Variants in VPS13B observed in about 807,000 individuals in gnomAD.
VPS13B encodes the protein vacuolar protein sorting 13 homolog B, also known as intermembrane lipid transfer protein VPS13B.
A neutral mutation model predicts 426.4 loss-of-function variants in VPS13B; 285 were observed. The observed-to-expected ratio is 0.67, with a 90% CI of 0.61 to 0.74. The LOEUF (loss-of-function observed/expected upper bound fraction) is 0.74, where lower values mean the gene tolerates loss of function less well. Among genes scored for constraint, VPS13B ranks in the 30% least tolerant of loss-of-function variants. The probability of loss-of-function intolerance (pLI) is 0.00; values close to 1 mark genes in which losing one functional copy is unlikely to be tolerated. For missense variants in VPS13B, 4,537 were observed against 4,782.6 expected (o/e 0.95, Z 1.51); for synonymous variants, 1,676 against 1,676.4 (o/e 1.00, Z 0.01).
chr8:99,117,285 T>C (rs1278801584), intron 7 of VPS13B, among the ~76,000 whole-genome samples: 1 of 151,926 alleles, frequency 6.6e-6, no homozygotes, highest in African/African-American at 2.4e-5. Flanking sequence ...TAAAAAAAAA[T>C]ACAAAATAAC....
At chr8:99,567,929 A>G (rs1161242703) in intron 31 of VPS13B, among the ~76,000 whole-genome samples, 1 of 152,216 alleles carries the variant, frequency 6.6e-6, no homozygotes, top group African/African-American at 2.4e-5. Context: ...GGGTAATATA[A>G]TAAGAGTAAT....
intron 39 of VPS13B, among the ~76,000 whole-genome samples, chr8:99,763,222 G>A (rs1039429858): frequency 1.2e-4 from 17 of 146,938 alleles, no homozygotes; most frequent in African/African-American, 4.1e-4. Flanking sequence ...TTTGAATCCC[G>A]ATAGATCTGA....
intron 30 of VPS13B, among the ~76,000 whole-genome samples, chr8:99,541,480 C>T (rs150463262): frequency 6.6e-6 from 1 of 152,168 alleles, no homozygotes; most frequent in Non-Finnish European, 1.5e-5. Context: ...GGTGTTTGTC[C>T]TAATGCTCTT....
At chr8:99,836,866 A>C (rs977727613) in intron 54 of VPS13B, among the ~76,000 whole-genome samples, 1 of 152,202 alleles carries the variant, frequency 6.6e-6, no homozygotes, top group South Asian at 2.1e-4. Context: ...GTTAGTGACT[A>C]TCATCTCCAC....
At chr8:99,874,858 T>C (rs924432333) in intron 61 of VPS13B, 1 of 154,472 alleles carries the variant, frequency 6.5e-6, no homozygotes, top group African/African-American at 2.4e-5. Context: ...GCTTCTCTAT[T>C]TTCTCTGGCT....
chr8:99,373,982 A>C (rs374228875), intron 19 of VPS13B, among the ~76,000 whole-genome samples: 2 of 152,134 alleles, frequency 1.3e-5, no homozygotes, highest in Non-Finnish European at 2.9e-5. Flanking sequence ...TTGTAGCACA[A>C]ATTTTCTGAA....
chr8:99,337,786 T>C (rs962049440), intron 19 of VPS13B, among the ~76,000 whole-genome samples: 4 of 152,198 alleles, frequency 2.6e-5, no homozygotes, highest in Non-Finnish European at 5.9e-5. Context: ...TTTTTTGGAC[T>C]TCTCTATGAA....
rs1196083061 is a variant in VPS13B, at chr8:99,442,439, T to A, written c.3249T>A (p.Asp1083Glu). The stretch of plus-strand genomic sequence containing the variant: ...CTTGTTGTGTGTTTATTCCAAATGA[T>A]AGCCTGCCTTCCCCAAGTACAATTG... ...VQSCCVFIPN[D>E]SLPSPSTIVS... Residue 1083 changes from aspartate (D) to glutamate (E), a missense_variant, in exon 23 of 62, where the codon GAT becomes GAA. Around this residue, in one of 2 missense-constraint regions of VPS13B, gnomAD observed 4,311 missense variants for 4,474.3 expected, o/e 0.96. Transcript: ENST00000357162. 6.2e-7 allele frequency: 1 copy of A among 1,613,990 alleles called. No individual in the cohort carries two copies. Among genetic ancestry groups the A allele is most frequent in the Admixed American group, 1.7e-5 (1 of 60,012 alleles).
At chr8:99,059,230 G>A (rs548860208) in intron 3 of VPS13B, among the ~76,000 whole-genome samples, 1 of 152,206 alleles carries the variant, frequency 6.6e-6, no homozygotes, top group South Asian at 2.1e-4. Flanking sequence ...TCTGCTTCCT[G>A]GGTTCAAGTG....
At chr8:99,148,796 A>G (rs1034029377) in intron 14 of VPS13B, among the ~76,000 whole-genome samples, 2 of 152,258 alleles carry the variant, frequency 1.3e-5, no homozygotes, top group African/African-American at 4.8e-5. Flanking sequence ...CTGTAAACAA[A>G]GGGCCAAATG....
chr8:99,475,924 T>G (rs895344683), intron 24 of VPS13B, among the ~76,000 whole-genome samples: 1 of 152,266 alleles, frequency 6.6e-6, no homozygotes, highest in African/African-American at 2.4e-5. Context: ...CTTTATGTAA[T>G]TCTACTTTAT....
intron 12 of VPS13B, among the ~76,000 whole-genome samples, chr8:99,142,576 C>T (rs1167100675): frequency 6.6e-6 from 1 of 151,958 alleles, no homozygotes; most frequent in Non-Finnish European, 1.5e-5. Context: ...CTTAAATAAC[C>T]CAATTTTCAA....
At chr8:99,423,440 G>A (rs942417511) in intron 21 of VPS13B, among the ~76,000 whole-genome samples, 36 of 99,706 alleles carry the variant, frequency 3.6e-4, no homozygotes, top group Non-Finnish European at 6.0e-4. Flanking sequence ...TTTTTTTTTT[G>A]TATTTTTAGT....
intron 25 of VPS13B, among the ~76,000 whole-genome samples, chr8:99,497,165 ATATTTATATATTTAATATATAAATACATG>A (rs71273184): frequency 2.1e-5 from 3 of 139,778 alleles, no homozygotes; most frequent in Non-Finnish European, 3.1e-5. Context: ...ATATAAAAAT[ATATTTATATATTTAATATATAAATACATG>A]TATTTATATA....
Position 99,429,041 on chromosome 8 carries a change from AAC to A in VPS13B, c.3083-2492_3083-2491del, listed in dbSNP as rs1816923315. Among the ~76,000 whole-genome samples the A allele has an allele frequency of 4.6e-5, 7 of 152,298 alleles. No homozygotes were observed. In the South Asian group the frequency reaches 1.4e-3, roughly 32 times the overall value. Reference sequence around the variant, plus strand: ...AAACTAACGCAAGGACAAAAAACCAAACACAGCATATTCTCACTCATAGGTGG... The same window carrying A: ...AAACTAACGCAAGGACAAAAAACCAAACAGCATATTCTCACTCATAGGTGG... On this transcript the variant is annotated intron_variant, in intron 21 of 61. Coordinates refer to ENST00000357162, the MANE Select transcript of VPS13B (RefSeq NM_152564.5).
At chr8:99,326,490 A>T (rs371943872) in intron 19 of VPS13B, among the ~76,000 whole-genome samples, 4 of 13,372 alleles carry the variant, frequency 3.0e-4, no homozygotes, top group African/African-American at 1.3e-3. Context: ...TTTGAGACAG[A>T]ATCTTGCTCT....
At position 99,274,278 on chromosome 8, in the gene VPS13B, G is replaced by A. The variant is rs150185067; in HGVS notation, c.2596G>A (p.Val866Ile). 1.1e-3 allele frequency: 1,744 copies of A among 1,613,990 alleles called. No individual in the cohort carries two copies. Among genetic ancestry groups the A allele is most frequent in the Non-Finnish European group, 1.4e-3 (1,653 of 1,180,004 alleles). The stretch of plus-strand genomic sequence containing the variant: ...ATTGAAGTACTGCAGCACATCATTG[G>A]TCAAATGTGCCTCTGGGACCATGGG... Reference protein sequence around the residue: ...VELKYCSTSLVKCASGTMGSI... With the variant: ...VELKYCSTSLIKCASGTMGSI... The change falls in exon 18 of 62, where the codon GTC (valine) becomes ATC (isoleucine). Residue 866 changes from valine (V) to isoleucine (I), a missense_variant. Val to Ile is a conservative substitution (Grantham distance 29, BLOSUM62 3). Transcript: ENST00000357162.
intron 54 of VPS13B, among the ~76,000 whole-genome samples, chr8:99,836,738 A>T (rs1815412510): frequency 6.6e-6 from 1 of 152,236 alleles, no homozygotes; most frequent in Non-Finnish European, 1.5e-5. Context: ...TTAAAGTTAC[A>T]AATGCATTTA....
rs763016471 is a variant in VPS13B at position 99,121,279 on chromosome 8, C to T, written c.1040C>T (p.Ser347Leu). The T allele has an allele frequency of 6.2e-7, 1 of 1,614,114 alleles. No individual in the cohort carries two copies. The highest frequency in any genetic ancestry group is 1.7e-5 in the Admixed American group (1 of 60,022). The change falls in exon 8 of 62, where the codon TCA becomes TTA. Residue 347 changes from serine (S) to leucine (L), a missense_variant. Physicochemically the swap from Ser to Leu is moderately radical, Grantham distance 145. Coordinates refer to ENST00000357162, the MANE Select transcript of VPS13B (RefSeq NM_152564.5). The part of the protein sequence containing the change: ...QDEEQPQGWV[S>L]WAWSFVPAIV... ...GAGGAGCAGCCACAGGGATGGGTGT[C>T]ATGGGCCTGGTCCTTTGTGCCTGCA...
Sources: allele counts gnomAD v4.1 joint callset (sites outside exome capture counted in the v4.1 genomes callset), GRCh38; gene constraint gnomAD v4.1.1; regional missense constraint gnomAD v4.1.1; transcripts MANE v1.5; gene names NCBI Gene and HGNC (gene_info 2026-07-23, HGNC 2026-07-21).